HDAC9: variants seen among roughly 807,000 people sequenced by gnomAD.
HDAC9 encodes histone deacetylase 9.
In HDAC9, 41 loss-of-function variants were observed where a neutral mutation model predicts 139.4. The observed-to-expected ratio is 0.29, with a 90% CI of 0.23 to 0.38. The LOEUF is 0.38. Ranked by LOEUF, HDAC9 falls within the 10% of genes least tolerant of loss-of-function variation. HDAC9 has a pLI of 1.00. For missense variants in HDAC9, 1,147 were observed against 1,297.0 expected, an observed-to-expected ratio of 0.88 and a Z score of 1.78; for synonymous variants, 517 against 476.2, an observed-to-expected ratio of 1.09 and a Z score of -1.12.
chr7:18,418,288 A>T (rs1260044863), intron 1 of HDAC9, among the ~76,000 whole-genome samples: 3 of 152,190 alleles, frequency 2.0e-5, no homozygotes, highest in Admixed American at 2.0e-4. Context: ...TAACTACCAA[A>T]GTGTCCACTT....
At chr7:18,651,816 G>A (rs377422577) in intron 11 of HDAC9, among the ~76,000 whole-genome samples, 1 of 152,006 alleles carries the variant, frequency 6.6e-6, no homozygotes, top group Non-Finnish European at 1.5e-5. Context: ...TTACAGTTAC[G>A]GTGTAAGTGT....
At chr7:18,389,738 T>TGG (rs1786280387) in intron 1 of HDAC9, among the ~76,000 whole-genome samples, 1 of 152,092 alleles carries the variant, frequency 6.6e-6, no homozygotes, top group African/African-American at 2.4e-5. Flanking sequence ...GACTTAATGA[T>TGG]TAGATGATAA....
chr7:18,260,275 T>C (rs968407378), intron 2 of HDAC9, among the ~76,000 whole-genome samples: 1 of 151,964 alleles, frequency 6.6e-6, no homozygotes, highest in Non-Finnish European at 1.5e-5. Context: ...GGCTAGCATT[T>C]ACGGGGTGCT....
chr7:18,848,716 G>C (rs1042820762), intron 21 of HDAC9, among the ~76,000 whole-genome samples: 1 of 151,894 alleles, frequency 6.6e-6, no homozygotes, highest in African/African-American at 2.4e-5. Context: ...ACACTATAAA[G>C]ATCTTTAATA....
intron 1 of HDAC9, among the ~76,000 whole-genome samples, chr7:18,381,215 A>G (rs1211313652): frequency 6.7e-6 from 1 of 150,242 alleles, no homozygotes; most frequent in East Asian, 1.9e-4. Flanking sequence ...AAAAAAAAAA[A>G]AAAAAGGAAA....
At position 18,629,410 on chromosome 7, in the gene HDAC9, G is replaced by T; in HGVS notation, c.725G>T (p.Ser242Ile). Residue 242 changes from serine to isoleucine, a missense_variant, in exon 7 of 26, where the codon AGC becomes ATC. Transcript: ENST00000686413. ...AAACAGAAAGTGGCAGAGAGGAGAAGCAGCCCCTTACTCAGGCGGAAGGAT... is the reference window on the plus strand; with the variant it reads ...AAACAGAAAGTGGCAGAGAGGAGAATCAGCCCCTTACTCAGGCGGAAGGAT... ...RLKQKVAERR[S>I]SPLLRRKDGN... 6.2e-7 allele frequency: 1 copy of T among 1,611,620 alleles called. No homozygotes were observed. The highest frequency in any genetic ancestry group is 1.1e-5 in the South Asian group (1 of 90,838).
intron 25 of HDAC9, among the ~76,000 whole-genome samples, chr7:18,986,357 G>A (rs1432225351): frequency 3.4e-4 from 11 of 32,378 alleles, no homozygotes; most frequent in Non-Finnish European, 3.3e-4. Flanking sequence ...TTTTTCTCAG[G>A]TTTGTCAAAG....
At chr7:18,647,447 T>C (rs983125430) in intron 9 of HDAC9, among the ~76,000 whole-genome samples, 1 of 152,146 alleles carries the variant, frequency 6.6e-6, no homozygotes, top group African/African-American at 2.4e-5. Context: ...AATATATTGT[T>C]ATTAACTGTA....
intron 2 of HDAC9, among the ~76,000 whole-genome samples, chr7:18,207,432 G>T (rs1048163482): frequency 6.6e-6 from 1 of 150,776 alleles, no homozygotes; most frequent in African/African-American, 2.4e-5. Flanking sequence ...ATAAAGATAG[G>T]TTCTCACTCT....
chr7:18,432,697 C>T (rs544136856), intron 1 of HDAC9, among the ~76,000 whole-genome samples: 2 of 152,070 alleles, frequency 1.3e-5, no homozygotes, highest in East Asian at 1.9e-4. Context: ...CCTGTAATCC[C>T]GTCACTTTGG....
chr7:18,562,242 A>G (rs1470832867), intron 2 of HDAC9, among the ~76,000 whole-genome samples: 2 of 152,136 alleles, frequency 1.3e-5, no homozygotes, highest in Non-Finnish European at 2.9e-5. Context: ...TTAAAGATAT[A>G]TAGTTTGCAA....
chr7:18,430,371 G>A (rs1463291348), intron 1 of HDAC9: 1 of 152,166 alleles, frequency 6.6e-6, no homozygotes, highest in African/African-American at 2.4e-5. Context: ...CCACAAGTAC[G>A]TGCTACAACA....
At chr7:18,235,483 C>G (rs151232256) in intron 2 of HDAC9, among the ~76,000 whole-genome samples, 113 of 152,342 alleles carry the variant, frequency 7.4e-4, no homozygotes, top group Non-Finnish European at 1.2e-3. Flanking sequence ...CGGTTCCCCA[C>G]TGCCTAACTG....
intron 1 of HDAC9, among the ~76,000 whole-genome samples, chr7:18,368,643 T>C (rs779879813): frequency 5.9e-5 from 9 of 152,110 alleles, no homozygotes; most frequent in Admixed American, 2.0e-4. Context: ...TGCCCCTTTA[T>C]GCTGATTATA....
chr7:18,736,808 G>A (rs1430379630), intron 13 of HDAC9, among the ~76,000 whole-genome samples: 1 of 152,166 alleles, frequency 6.6e-6, no homozygotes, highest in Non-Finnish European at 1.5e-5. Context: ...CAGAAGGAAT[G>A]GTATCAGCTC....
At chr7:18,462,902 CAT>C (rs1793971201) in intron 1 of HDAC9, among the ~76,000 whole-genome samples, 1 of 152,026 alleles carries the variant, frequency 6.6e-6, no homozygotes, top group African/African-American at 2.4e-5. Flanking sequence ...CATAGGATAA[CAT>C]ATAAATATAG....
At chr7:18,112,743 C>A (rs138803854) in intron 1 of HDAC9, among the ~76,000 whole-genome samples, 4 of 152,210 alleles carry the variant, frequency 2.6e-5, no homozygotes, top group African/African-American at 9.6e-5. Context: ...TGTATATACA[C>A]TTTTATTTTG....
At chr7:18,167,459 T>C (rs187363868) in intron 2 of HDAC9, among the ~76,000 whole-genome samples, 170 of 152,356 alleles carry the variant, frequency 1.1e-3, no homozygotes, top group African/African-American at 3.8e-3. Flanking sequence ...ATTCAACTTA[T>C]ATAATTTTCA....
chr7:18,974,519 T>G (rs1375821165), intron 24 of HDAC9, among the ~76,000 whole-genome samples: 1 of 152,174 alleles, frequency 6.6e-6, no homozygotes, highest in Non-Finnish European at 1.5e-5. Flanking sequence ...AAATGTTAGT[T>G]TTTGGATTCA....
Sources: allele counts gnomAD v4.1 joint callset (sites outside exome capture counted in the v4.1 genomes callset), GRCh38; gene constraint gnomAD v4.1.1; transcripts MANE v1.5; gene names NCBI Gene and HGNC (gene_info 2026-07-23, HGNC 2026-07-21).